CCDC85A: variants seen among roughly 807,000 people sequenced by gnomAD.
CCDC85A encodes the protein coiled-coil domain-containing protein 85A.
Under a neutral mutation model 50.2 loss-of-function variants are expected in CCDC85A, and 38 were observed. The ratio of observed to expected loss-of-function variants is 0.76; its 90% confidence interval spans 0.58 to 0.99. The LOEUF (loss-of-function observed/expected upper bound fraction) is 0.99. Ranked by LOEUF, CCDC85A falls within the 50% of genes least tolerant of loss-of-function variation. The pLI, the probability that CCDC85A is intolerant of heterozygous loss-of-function variation, is 0.00. For synonymous variants in CCDC85A, 366 were observed against 301.4 expected (o/e 1.21, Z -2.22); for missense variants, 820 against 742.0 (o/e 1.11, Z -1.22).
chr2:56,358,827 C>G (rs1010475654), intron 3 of CCDC85A, among the ~76,000 whole-genome samples: 1 of 151,760 alleles, frequency 6.6e-6, no homozygotes, highest in African/African-American at 2.4e-5. Flanking sequence ...TCTTGTTACC[C>G]AGGTTGGAGT....
At chr2:56,235,576 G>A (rs1668972406) in intron 2 of CCDC85A, among the ~76,000 whole-genome samples, 2 of 152,006 alleles carry the variant, frequency 1.3e-5, no homozygotes, top group South Asian at 2.1e-4. Flanking sequence ...GTGTCCATCC[G>A]TAAGACATTC....
intron 2 of CCDC85A, among the ~76,000 whole-genome samples, chr2:56,203,755 C>A (rs569855205): frequency 6.6e-6 from 1 of 152,220 alleles, no homozygotes; most frequent in African/African-American, 2.4e-5. Flanking sequence ...TTATTTACAG[C>A]TTTACGGCAA....
chr2:56,218,617 G>C (rs1022755496), intron 2 of CCDC85A, among the ~76,000 whole-genome samples: 1 of 151,646 alleles, frequency 6.6e-6, no homozygotes, highest in Non-Finnish European at 1.5e-5. Context: ...CTTATTACCT[G>C]GTCCATATTT....
At chr2:56,292,572 A>C (rs1671763345) in intron 2 of CCDC85A, among the ~76,000 whole-genome samples, 1 of 152,182 alleles carries the variant, frequency 6.6e-6, no homozygotes, top group African/African-American at 2.4e-5. Context: ...GATGGGGAAA[A>C]TAAATTAGTT....
chr2:56,187,511 A>G (rs1361020326), intron 1 of CCDC85A, among the ~76,000 whole-genome samples: 1 of 152,100 alleles, frequency 6.6e-6, no homozygotes, highest in Non-Finnish European at 1.5e-5. Context: ...AAGAATTTGG[A>G]TTCTGATAAT....
chr2:56,362,952 A>G (rs1461143589), intron 3 of CCDC85A, among the ~76,000 whole-genome samples: 1 of 152,018 alleles, frequency 6.6e-6, no homozygotes, highest in African/African-American at 2.4e-5. Flanking sequence ...TCCCAGAGGT[A>G]TGGATGATTT....
Position 56,193,142 on chromosome 2 carries a change from G to A in CCDC85A, c.942G>A (p.Pro314=), listed in dbSNP as rs771218367. The change falls in exon 2 of 6, where the codon CCG becomes CCA. Residue 314 remains proline (P), a synonymous_variant. Coordinates refer to ENST00000407595, the MANE Select transcript of CCDC85A (RefSeq NM_001080433.2). The stretch of plus-strand genomic sequence containing the variant: ...CCAAGCACGTGCTGAGTGGGAGCCC[G>A]GAACACTTCCAGAAGCACCGGTCAG... The part of the protein sequence containing the change: ...TLPKHVLSGS[P]EHFQKHRSGS... 11 of 1,612,292 alleles carry A rather than the reference G, an allele frequency of 6.8e-6. No homozygotes were observed. The highest frequency in any genetic ancestry group is 4.4e-5 in the South Asian group (4 of 90,994).
Position 56,298,456 on chromosome 2 carries a change from C to T in CCDC85A, c.1241-44423C>T, listed in dbSNP as rs59931925. Among the ~76,000 whole-genome samples the T allele has an allele frequency of 3.3e-3, 509 of 152,248 alleles. 3 individuals are homozygous for T. The highest frequency in any genetic ancestry group is 0.012 in the African/African-American group (493 of 41,544). ...CTTGATCTGCCATTGGTTAAAGAAA[C>T]ATTTTAACACTTTCAATGAGTATTT... On this transcript the variant is annotated intron_variant, in intron 2 of 5. Coordinates refer to ENST00000407595, the MANE Select transcript of CCDC85A (RefSeq NM_001080433.2).
At chr2:56,334,503 A>G (rs1005549900) in intron 2 of CCDC85A, among the ~76,000 whole-genome samples, 76 of 152,238 alleles carry the variant, frequency 5.0e-4, no homozygotes, top group African/African-American at 1.8e-3. Context: ...ATTCACTGAC[A>G]GATGAGTTGA....
At chr2:56,242,387 G>A (rs977920060) in intron 2 of CCDC85A, among the ~76,000 whole-genome samples, 2 of 152,040 alleles carry the variant, frequency 1.3e-5, no homozygotes, top group Non-Finnish European at 2.9e-5. Context: ...AGAGGCCTCA[G>A]GAAGCTTACA....
At chr2:56,326,986 A>G (rs1673503743) in intron 2 of CCDC85A, among the ~76,000 whole-genome samples, 1 of 152,118 alleles carries the variant, frequency 6.6e-6, no homozygotes, top group Non-Finnish European at 1.5e-5. Context: ...TAACTACCAT[A>G]ATCAGAACTG....
intron 2 of CCDC85A, among the ~76,000 whole-genome samples, chr2:56,291,236 TAGATG>T (rs1447390908): frequency 6.6e-6 from 1 of 152,228 alleles, no homozygotes. Context: ...AAAAGATGCA[TAGATG>T]GATCTAACCA....
At chr2:56,354,701 A>G (rs1052385017) in intron 3 of CCDC85A, among the ~76,000 whole-genome samples, 8 of 152,212 alleles carry the variant, frequency 5.3e-5, no homozygotes, top group Non-Finnish European at 8.8e-5. Context: ...TAATTAAAGC[A>G]TGTTGGAGAA....
chr2:56,384,591 A>G lies in CCDC85A; in HGVS notation c.*236A>G. The G allele has an allele frequency of 7.1e-6, 3 of 423,656 alleles. No homozygotes were observed. Among genetic ancestry groups the G allele is most frequent in the Non-Finnish European group, 1.3e-5 (3 of 231,934 alleles). 26.2% of individuals were successfully genotyped at this position (423,656 alleles called of 1,614,324 possible). On this transcript the variant is annotated 3_prime_UTR_variant, in exon 6 of 6. Coordinates refer to ENST00000407595, the MANE Select transcript of CCDC85A (RefSeq NM_001080433.2). ...AATCTCAAACAAGGTAGCTTTGAACATCTCAAACAGAGTAGCTTTGAAAAT... is the reference window on the plus strand; with the variant it reads ...AATCTCAAACAAGGTAGCTTTGAACGTCTCAAACAGAGTAGCTTTGAAAAT...
At chr2:56,245,956 T>C (rs1472059569) in intron 2 of CCDC85A, among the ~76,000 whole-genome samples, 1 of 152,180 alleles carries the variant, frequency 6.6e-6, no homozygotes, top group African/African-American at 2.4e-5. Flanking sequence ...TCAGGTATTC[T>C]GTTATAGCAG....
chr2:56,330,939 A>G (rs776166334), intron 2 of CCDC85A, among the ~76,000 whole-genome samples: 4 of 152,132 alleles, frequency 2.6e-5, no homozygotes, highest in Non-Finnish European at 5.9e-5. Context: ...TTATAGTAGC[A>G]CATTTCACAA....
rs138988657 is a variant in CCDC85A at position 56,251,788 on chromosome 2, G to A, written c.1240+58348G>A. On this transcript the variant is annotated intron_variant, in intron 2 of 5. Transcript: ENST00000407595. ...GTCTTTTTAGGATAAGGACCAGGAA[G>A]CTCTGCTGCACTACTCCAGGATGGG... Among the ~76,000 whole-genome samples the A allele has an allele frequency of 6.2e-3, 942 of 152,114 alleles. 9 individuals carry two copies. The highest frequency in any genetic ancestry group is 0.022 in the African/African-American group (904 of 41,498).
chr2:56,355,155 G>A (rs563479095), intron 3 of CCDC85A, among the ~76,000 whole-genome samples: 1 of 152,306 alleles, frequency 6.6e-6, no homozygotes, highest in South Asian at 2.1e-4. Context: ...ATTCCCCACG[G>A]CTCCTAGGAT....
intron 2 of CCDC85A, among the ~76,000 whole-genome samples, chr2:56,269,418 A>ATTTCAT (rs1670602026): frequency 1.3e-5 from 2 of 151,914 alleles, no homozygotes; most frequent in African/African-American, 4.8e-5. Context: ...GTGGTAATAG[A>ATTTCAT]TTTCATTTTC....
Sources: gnomAD v4.1 joint callset for allele counts (sites outside exome capture counted in the v4.1 genomes callset) on GRCh38, gnomAD v4.1.1 for gene constraint, MANE v1.5 for transcripts, NCBI Gene and HGNC (gene_info 2026-07-23, HGNC 2026-07-21) for gene names.